The following RHOB variants were observed in gnomAD, a reference collection of about 807,000 sequenced individuals.
RHOB encodes ras homolog family member B, also known as rho-related GTP-binding protein RhoB.
RHOB carries 6 observed loss-of-function variants against 12.9 expected under a neutral mutation model. The ratio of observed to expected loss-of-function variants is 0.47; its 90% CI spans 0.25 to 0.92. RHOB has a LOEUF of 0.92. Among genes scored for constraint, RHOB ranks in the 40% least tolerant of loss-of-function variants. The pLI is 0.16. For missense variants in RHOB, 142 were observed against 277.9 expected (o/e 0.51, Z 3.48); for synonymous variants, 168 against 122.1 (o/e 1.38, Z -2.48).
rs765498047 is a variant in RHOB at position 20,448,104 on chromosome 2, G to A, written c.*48G>A. 45 of 1,497,050 alleles carry A rather than the reference G, an allele frequency of 3.0e-5. No homozygotes were observed. Among genetic ancestry groups the A allele is most frequent in the Non-Finnish European group, 3.9e-5 (43 of 1,098,610 alleles). The allele number at this position is 1,497,050 out of a possible 1,614,324, so 92.7% of individuals were successfully genotyped here. A position where few individuals can be genotyped will look rare whatever the true frequency, so the allele number is the denominator to read the frequency against. ...CCCTGCCGGCACGGCTCCCCCTCCT[G>A]GACCAGTCCCCCGCGAGCCCGGAGA... On this transcript the variant is annotated 3_prime_UTR_variant, in exon 1 of 1. Coordinates refer to ENST00000272233, the MANE Select transcript of RHOB (RefSeq NM_004040.4).
rs1691048529 is a variant in RHOB, at chr2:20,448,584, G to A, written c.*528G>A. On this transcript the variant is annotated 3_prime_UTR_variant, in exon 1 of 1. Coordinates refer to ENST00000272233, the MANE Select transcript of RHOB (RefSeq NM_004040.4). ...ATAATTTTATTTTCGGAGCTAAGAT[G>A]GTGTTATTTAAGGGTGGTGATGGGT... is the stretch of plus-strand genomic sequence containing the variant. 6.0e-6 allele frequency: 1 copy of A among 167,678 alleles called. No homozygotes were observed. The highest frequency in any genetic ancestry group is 2.4e-5 in the African/African-American group (1 of 41,476). The allele number at this position is 167,678 out of a possible 1,614,324, so 10.4% of individuals were successfully genotyped here.
chr2:20,449,141 T>G lies in RHOB; in HGVS notation c.*1085T>G, dbSNP rs1691061268. The G allele has an allele frequency of 6.0e-6, 1 of 166,452 alleles. No homozygotes were observed. Among genetic ancestry groups the G allele is most frequent in the Admixed American group, 6.6e-5 (1 of 15,164 alleles). The allele number at this position is 166,452 out of a possible 1,614,324, so 10.3% of individuals were successfully genotyped here. On this transcript the variant is annotated 3_prime_UTR_variant, in exon 1 of 1. Transcript: ENST00000272233. ...TTTGTGCAGGTCATGCACACAGTTT[T>G]GATAAAGGGCAGTAACAAGTATTGG...
Position 20,448,413 on chromosome 2 carries a change from T to C in RHOB, c.*357T>C, listed in dbSNP as rs1573124869. On this transcript the variant is annotated 3_prime_UTR_variant, in exon 1 of 1. Transcript: ENST00000272233. ...CCGCCTCTGATCCCCGGGGGCGAGA[T>C]TGGCGCGGGAGTGTGGCCGCGCCCC... The C allele has an allele frequency of 1.1e-5, 3 of 280,296 alleles. No individual in the cohort carries two copies. In the East Asian group the frequency reaches 2.5e-4, roughly 23 times the overall value. The allele number at this position is 280,296 out of a possible 1,614,324, so 17.4% of individuals were successfully genotyped here. A position where few individuals can be genotyped will look rare whatever the true frequency, so the allele number is the denominator to read the frequency against.
Position 20,448,873 on chromosome 2 carries a change from TATTTG to T in RHOB, c.*822_*826del, listed in dbSNP as rs1304626355. ...ATTGTTCAGTCCAAGAAACTGATGT[TATTTG>T]ATTTATTTAAAGGCTAAAATTTGTT... On this transcript the variant is annotated 3_prime_UTR_variant, in exon 1 of 1. Transcript: ENST00000272233. The T allele has an allele frequency of 2.4e-5, 4 of 167,146 alleles. No individual in the cohort carries two copies. Among genetic ancestry groups the T allele is most frequent in the Admixed American group, 6.5e-5 (1 of 15,296 alleles). The allele number at this position is 167,146 out of a possible 1,614,324, so 10.4% of individuals were successfully genotyped here.
rs1447792670 is a variant in RHOB at position 20,449,370 on chromosome 2, C to T, written c.*1314C>T. On this transcript the variant is annotated 3_prime_UTR_variant, in exon 1 of 1. Transcript: ENST00000272233. Reference sequence around the variant, plus strand: ...CAAAATGGTGAGCTTATGATGTTTACATAAAAGTTCTATAAGCTGTGTATA... The same window carrying T: ...CAAAATGGTGAGCTTATGATGTTTATATAAAAGTTCTATAAGCTGTGTATA... 1 of 166,822 alleles carries T rather than the reference C, an allele frequency of 6.0e-6. No individual in the cohort carries two copies. Among genetic ancestry groups the T allele is most frequent in the Non-Finnish European group, 1.5e-5 (1 of 68,064 alleles). The allele number at this position is 166,822 out of a possible 1,614,324, so 10.3% of individuals were successfully genotyped here.
rs1691042213 is a variant in RHOB, at chr2:20,448,337, T to A, written c.*281T>A. 2.1e-6 allele frequency: 1 copy of A among 469,050 alleles called. No individual in the cohort carries two copies. Among genetic ancestry groups the A allele is most frequent in the South Asian group, 3.2e-5 (1 of 31,018 alleles). The allele number at this position is 469,050 out of a possible 1,614,324, so 29.1% of individuals were successfully genotyped here. On this transcript the variant is annotated 3_prime_UTR_variant, in exon 1 of 1. Transcript: ENST00000272233. ...TTTTCTGAAGAGCCGGGCCTCAGAG[T>A]GTGTGGCTGTGTGTCTGTTCGACTC...
Position 20,448,032 on chromosome 2 carries a change from C to T in RHOB, c.567C>T (p.Cys189=), listed in dbSNP as rs758766914. The T allele has an allele frequency of 6.2e-7, 1 of 1,611,806 alleles. No individual in the cohort carries two copies. Residue 189 remains cysteine (C), a synonymous_variant, in exon 1 of 1, where the codon TGC becomes TGT. Transcript: ENST00000272233. ...AGCGCTACGGCTCCCAGAACGGCTG[C>T]ATCAACTGCTGCAAGGTGCTATGAG... ...LQKRYGSQNG[C]INCCKVL
chr2:20,447,916 A>T lies in RHOB; in HGVS notation c.451A>T (p.Ile151Phe). 1.2e-6 allele frequency: 2 copies of T among 1,613,200 alleles called. No individual in the cohort carries two copies. The highest frequency in any genetic ancestry group is 8.5e-7 in the Non-Finnish European group (1 of 1,180,006). ...TGACGGCCGCGCCATGGCCGTGCGC[A>T]TCCAAGCCTACGACTACCTCGAGTG... ...TDDGRAMAVRIQAYDYLECSA... is the reference protein window; with the variant it reads ...TDDGRAMAVRFQAYDYLECSA... The change falls in exon 1 of 1, where the codon ATC becomes TTC. Residue 151 changes from isoleucine to phenylalanine, a missense_variant. Ile to Phe is a conservative substitution (Grantham distance 21, BLOSUM62 0). Transcript: ENST00000272233.
rs551082761 is a variant in RHOB at position 20,447,324 on chromosome 2, G to C, written c.-142G>C. The C allele has an allele frequency of 1.8e-6, 1 of 560,796 alleles. No individual in the cohort carries two copies. Among genetic ancestry groups the C allele is most frequent in the Non-Finnish European group, 2.8e-6 (1 of 356,306 alleles). The allele number at this position is 560,796 out of a possible 1,614,324, so 34.7% of individuals were successfully genotyped here. On this transcript the variant is annotated 5_prime_UTR_variant, in exon 1 of 1. Transcript: ENST00000272233. ...CGCCGCGGCAGCCGAAGCGCAGCGAGAGAACGCGCCACCGCGGGGCCCGGG... is the reference window on the plus strand; with the variant it reads ...CGCCGCGGCAGCCGAAGCGCAGCGACAGAACGCGCCACCGCGGGGCCCGGG...
chr2:20,448,139 C>T lies in RHOB; in HGVS notation c.*83C>T. On this transcript the variant is annotated 3_prime_UTR_variant, in exon 1 of 1. Coordinates refer to ENST00000272233, the MANE Select transcript of RHOB (RefSeq NM_004040.4). Reference sequence around the variant, plus strand: ...CCCGCGAGCCCGGAGAAGGGGAGACCCGTGTCCCACAAGGACCCCACCGGC... The same window carrying T: ...CCCGCGAGCCCGGAGAAGGGGAGACTCGTGTCCCACAAGGACCCCACCGGC... The T allele has an allele frequency of 2.5e-6, 3 of 1,223,620 alleles. No homozygotes were observed. Among genetic ancestry groups the T allele is most frequent in the South Asian group, 2.9e-5 (2 of 69,094 alleles). 75.8% of individuals were successfully genotyped at this position (1,223,620 alleles called of 1,614,324 possible).
Position 20,447,360 on chromosome 2 carries a change from G to A in RHOB, c.-106G>A. ...ACCGCGGGGCCCGGGTGCAGCTAGC[G>A]ACCCTCTCGCCACCTGCGCGCAGCC... On this transcript the variant is annotated 5_prime_UTR_variant, in exon 1 of 1. Coordinates refer to ENST00000272233, the MANE Select transcript of RHOB (RefSeq NM_004040.4). 1 of 849,000 alleles carries A rather than the reference G, an allele frequency of 1.2e-6. No individual in the cohort carries two copies. The highest frequency in any genetic ancestry group is 1.7e-6 in the Non-Finnish European group (1 of 596,456). 52.6% of individuals were successfully genotyped at this position (849,000 alleles called of 1,614,324 possible). A position where few individuals can be genotyped will look rare whatever the true frequency, so the allele number is the denominator to read the frequency against.
At position 20,447,877 on chromosome 2, in the gene RHOB, C is replaced by G. The variant is rs1691030589; in HGVS notation, c.412C>G (p.Pro138Ala). The G allele has an allele frequency of 6.2e-7, 1 of 1,613,428 alleles. No individual in the cohort carries two copies. Residue 138 changes from proline to alanine, a missense_variant, in exon 1 of 1, where the codon CCC becomes GCC. By Grantham distance (27) the Pro-to-Ala change is conservative (BLOSUM62 -1). Around this residue, in one of 2 missense-constraint regions of RHOB, gnomAD observed 113 missense variants for 166.3 expected, o/e 0.68. Transcript: ENST00000272233. ...RTELARMKQEPVRTDDGRAMA... is the reference protein window; with the variant it reads ...RTELARMKQEAVRTDDGRAMA... ...AGAGCTGGCCCGCATGAAGCAGGAA[C>G]CCGTGCGCACGGATGACGGCCGCGC...
rs998689757 is a variant in RHOB at position 20,449,359 on chromosome 2, TATG to T, written c.*1307_*1309del. On this transcript the variant is annotated 3_prime_UTR_variant, in exon 1 of 1. Transcript: ENST00000272233. ...CTGACAAATGACAAAATGGTGAGCT[TATG>T]ATGTTTACATAAAAGTTCTATAAGC... is the stretch of plus-strand genomic sequence containing the variant. The T allele has an allele frequency of 7.2e-5, 12 of 167,208 alleles. No homozygotes were observed. In the East Asian group the frequency reaches 1.5e-3, roughly 21 times the overall value. 10.4% of individuals were successfully genotyped at this position (167,208 alleles called of 1,614,324 possible). A position where few individuals can be genotyped will look rare whatever the true frequency, so the allele number is the denominator to read the frequency against.
Position 20,448,020 on chromosome 2 carries a change from C to T in RHOB, c.555C>T (p.Ser185=). The T allele has an allele frequency of 3.1e-6, 5 of 1,612,344 alleles. No individual in the cohort carries two copies. Among genetic ancestry groups the T allele is most frequent in the Non-Finnish European group, 3.4e-6 (4 of 1,179,650 alleles). Residue 185 remains serine, a synonymous_variant, in exon 1 of 1, where the codon TCC becomes TCT. Coordinates refer to ENST00000272233, the MANE Select transcript of RHOB (RefSeq NM_004040.4). ...CCGCGCTGCAGAAGCGCTACGGCTC[C>T]CAGAACGGCTGCATCAACTGCTGCA... The part of the protein sequence containing the change: ...TRAALQKRYG[S]QNGCINCCKV...
chr2:20,449,161 T>C lies in RHOB; in HGVS notation c.*1105T>C, dbSNP rs1226359339. On this transcript the variant is annotated 3_prime_UTR_variant, in exon 1 of 1. Coordinates refer to ENST00000272233, the MANE Select transcript of RHOB (RefSeq NM_004040.4). ...AGTTTTGATAAAGGGCAGTAACAAG[T>C]ATTGGGGCCTATTTTTTTTTTTTCC... is the stretch of plus-strand genomic sequence containing the variant. 1 of 145,936 alleles carries C rather than the reference T, an allele frequency of 6.9e-6. No individual in the cohort carries two copies. The highest frequency in any genetic ancestry group is 3.0e-4 in the East Asian group (1 of 3,280). The allele number at this position is 145,936 out of a possible 1,614,324, so 9.0% of individuals were successfully genotyped here. A position where few individuals can be genotyped will look rare whatever the true frequency, so the allele number is the denominator to read the frequency against.
In RHOB at chr2:20,449,245, C is replaced by T. The variant is rs995892686; in HGVS notation, c.*1189C>T. ...TCTGCACCTCTGTACAGAGAATACA[C>T]CTGCCCCTGTATATCCTTTTTTCCC... is the stretch of plus-strand genomic sequence containing the variant. On this transcript the variant is annotated 3_prime_UTR_variant, in exon 1 of 1. Transcript: ENST00000272233. 1.2e-5 allele frequency: 2 copies of T among 166,862 alleles called. No homozygotes were observed. The highest frequency in any genetic ancestry group is 1.9e-4 in the East Asian group (1 of 5,200). 10.3% of individuals were successfully genotyped at this position (166,862 alleles called of 1,614,324 possible). A position where few individuals can be genotyped will look rare whatever the true frequency, so the allele number is the denominator to read the frequency against.
rs1691037817 is a variant in RHOB at position 20,448,133 on chromosome 2, G to T, written c.*77G>T. The T allele has an allele frequency of 7.8e-7, 1 of 1,285,652 alleles. No homozygotes were observed. 79.6% of individuals were successfully genotyped at this position (1,285,652 alleles called of 1,614,324 possible). A position where few individuals can be genotyped will look rare whatever the true frequency, so the allele number is the denominator to read the frequency against. The stretch of plus-strand genomic sequence containing the variant: ...CAGTCCCCCGCGAGCCCGGAGAAGG[G>T]GAGACCCGTGTCCCACAAGGACCCC... On this transcript the variant is annotated 3_prime_UTR_variant, in exon 1 of 1. Transcript: ENST00000272233.
chr2:20,448,166 T>C lies in RHOB; in HGVS notation c.*110T>C. 1.0e-6 allele frequency: 1 copy of C among 993,614 alleles called. No homozygotes were observed. The highest frequency in any genetic ancestry group is 1.5e-6 in the Non-Finnish European group (1 of 681,076). The allele number at this position is 993,614 out of a possible 1,614,324, so 61.5% of individuals were successfully genotyped here. ...GTGTCCCACAAGGACCCCACCGGCC[T>C]GCCTGGCATCTGTCTGCTGACGCCT... On this transcript the variant is annotated 3_prime_UTR_variant, in exon 1 of 1. Coordinates refer to ENST00000272233, the MANE Select transcript of RHOB (RefSeq NM_004040.4).
rs977379701 is a variant in RHOB at position 20,448,184 on chromosome 2, T to C, written c.*128T>C. On this transcript the variant is annotated 3_prime_UTR_variant, in exon 1 of 1. Coordinates refer to ENST00000272233, the MANE Select transcript of RHOB (RefSeq NM_004040.4). ...ACCGGCCTGCCTGGCATCTGTCTGC[T>C]GACGCCTCTGGCTTGCGCCAGGACT... 6 of 842,880 alleles carry C rather than the reference T, an allele frequency of 7.1e-6. No homozygotes were observed. In the African/African-American group the frequency reaches 1.0e-4, roughly 15 times the overall value. The allele number at this position is 842,880 out of a possible 1,614,324, so 52.2% of individuals were successfully genotyped here.
Sources: gnomAD v4.1 joint callset for allele counts on GRCh38, gnomAD v4.1.1 for gene constraint, gnomAD v4.1.1 regional missense constraint, MANE v1.5 for transcripts, NCBI Gene and HGNC (gene_info 2026-07-23, HGNC 2026-07-21) for gene names.